The following PUS1 variants were observed in gnomAD, a reference collection of about 807,000 sequenced individuals.
The protein encoded by PUS1 is pseudouridylate synthase 1 homolog.
A neutral mutation model predicts 38.5 loss-of-function variants in PUS1; 25 were observed. The ratio of observed to expected loss-of-function variants is 0.65; its 90% confidence interval spans 0.47 to 0.91. The LOEUF is 0.91. PUS1 is among the 40% of genes least tolerant of loss of function. PUS1 has a pLI of 0.00. For synonymous variants in PUS1, 282 were observed against 260.4 expected (o/e 1.08, Z -0.80); for missense variants, 597 against 612.3 (o/e 0.97, Z 0.26).
At chr12:131,939,609 T>C (rs1890981355) in intron 4 of PUS1, among the ~76,000 whole-genome samples, 1 of 152,242 alleles carries the variant, frequency 6.6e-6, no homozygotes, top group African/African-American at 2.4e-5. Context: ...CTGTCTACCT[T>C]TTAAGTGGCA....
intron 3 of PUS1, 32 bp downstream of exon 3, chr12:131,932,344 C>A (rs762730617): frequency 6.2e-7 from 1 of 1,611,646 alleles, no homozygotes; most frequent in Admixed American, 1.7e-5. Context: ...CCCTCCCCCG[C>A]TGCTATGAGC....
rs1891061699 is a variant in PUS1 at position 131,941,453 on chromosome 12, C to T, written c.706C>T (p.Leu236=). 2 of 1,613,354 alleles carry T rather than the reference C, an allele frequency of 1.2e-6. No homozygotes were observed. Among genetic ancestry groups the T allele is most frequent in the Middle Eastern group, 1.7e-4 (1 of 6,060 alleles). The change falls in exon 5 of 6, where the codon CTG becomes TTG. Residue 236 remains leucine, a synonymous_variant. Coordinates refer to ENST00000376649, the MANE Select transcript of PUS1 (RefSeq NM_025215.6). The surrounding 1 kb of genome is among the most constrained non-coding windows in gnomAD (Gnocchi z 4.4). ...AETLQQVNRL[L]ACYKGTHNFH... ...GACGCTGCAGCAGGTCAACAGGCTC[C>T]TGGCCTGCTACAAGGGCACGCACAA...
chr12:131,941,570 G>A lies in PUS1; in HGVS notation c.823G>A (p.Glu275Lys). Residue 275 changes from glutamate to lysine, a missense_variant, in exon 5 of 6, where the codon GAG (glutamate) becomes AAG (lysine). Transcript: ENST00000376649. This position sits in a 1 kb window ranked among gnomAD's most constrained non-coding sequence, Gnocchi z 4.4. ...EMYCEEPFVR[E>K]GLEFAVIRVK... ...GTACTGCGAGGAACCCTTTGTGCGG[G>A]AGGGCCTGGAGTTTGCGGTGATCAG... The A allele has an allele frequency of 1.2e-6, 2 of 1,614,236 alleles. No individual in the cohort carries two copies. Among genetic ancestry groups the A allele is most frequent in the African/African-American group, 2.7e-5 (2 of 75,058 alleles).
At chr12:131,942,685 C>T (rs1168284172) in intron 5 of PUS1, among the ~76,000 whole-genome samples, 5 of 152,238 alleles carry the variant, frequency 3.3e-5, no homozygotes, top group Admixed American at 6.5e-5. Flanking sequence ...GGATTACAGT[C>T]GTGAGCCACT....
At chr12:131,942,449 C>G (rs905545859) in intron 5 of PUS1, among the ~76,000 whole-genome samples, 1 of 152,120 alleles carries the variant, frequency 6.6e-6, no homozygotes, top group Non-Finnish European at 1.5e-5. Flanking sequence ...TTCTGTCACC[C>G]AGGCTGGAGT....
At chr12:131,940,046 T>G (rs929257314) in intron 4 of PUS1, among the ~76,000 whole-genome samples, 1 of 151,098 alleles carries the variant, frequency 6.6e-6, no homozygotes, top group Non-Finnish European at 1.5e-5. Flanking sequence ...TGGAGAGAAG[T>G]GTTTGAGACA....
At chr12:131,932,037 G>T (rs1222829483) in intron 2 of PUS1, 138 bp from the exon 3 acceptor site, 2 of 767,972 alleles carry the variant, frequency 2.6e-6, no homozygotes, top group Non-Finnish European at 4.6e-6. Context: ...TCACATGAGC[G>T]TGGCAGCTCA....
At chr12:131,931,820 T>G (rs1436192767) in intron 2 of PUS1, 1 of 418,660 alleles carries the variant, frequency 2.4e-6, no homozygotes, top group East Asian at 4.6e-5. Context: ...TGTGAGCCAC[T>G]GCACCTGGCC....
intron 5 of PUS1, 106 bp from the exon 6 acceptor site, chr12:131,943,433 G>T (rs1371303602): frequency 2.2e-5 from 20 of 894,456 alleles, no homozygotes; most frequent in Non-Finnish European, 3.8e-5. Context: ...TGAGGGAGTG[G>T]TGGGGGCAAG....
chr12:131,941,605 C>T lies in PUS1; in HGVS notation c.858C>T (p.Gly286=), dbSNP rs1390023549. Residue 286 remains glycine (G), a synonymous_variant, in exon 5 of 6, where the codon GGC becomes GGT. Transcript: ENST00000376649. The surrounding 1 kb of genome is among the most constrained non-coding windows in gnomAD (Gnocchi z 4.4). The stretch of plus-strand genomic sequence containing the variant: ...AGTTTGCGGTGATCAGGGTGAAGGG[C>T]CAGAGCTTCATGATGCATCAGATCC... ...GLEFAVIRVK[G]QSFMMHQIRK... 3.1e-6 allele frequency: 5 copies of T among 1,614,084 alleles called. No homozygotes were observed. Among genetic ancestry groups the T allele is most frequent in the Non-Finnish European group, 4.2e-6 (5 of 1,180,050 alleles).
chr12:131,939,120 C>A (rs1890957738), intron 3 of PUS1, 53 bp from the exon 4 acceptor site: 1 of 1,107,062 alleles, frequency 9.0e-7, no homozygotes, highest in Non-Finnish European at 1.3e-6. Flanking sequence ...CAGAGACCAG[C>A]GTGCGAGGCC....
rs1248764878 is a variant in PUS1, at chr12:131,929,690, C to A, written c.-33C>A. ...GCACTGGGGGTCAGGGGTCGGGGAT[C>A]AGGGCGGGGTCGGGTGCACTGGTAG... On this transcript the variant is annotated 5_prime_UTR_variant, in exon 1 of 6. Transcript: ENST00000376649. 5 of 1,537,122 alleles carry A rather than the reference C, an allele frequency of 3.3e-6. No individual in the cohort carries two copies. Among genetic ancestry groups the A allele is most frequent in the Non-Finnish European group, 4.4e-6 (5 of 1,146,962 alleles).
intron 3 of PUS1, among the ~76,000 whole-genome samples, chr12:131,933,876 G>A (rs12425240): frequency 0.083 from 12,605 of 152,236 alleles, 1,064 homozygotes; most frequent in African/African-American, 0.21. Flanking sequence ...CCAATGGGCC[G>A]AACCTGATAG....
In PUS1 at chr12:131,941,329, C is replaced by G. The variant is rs757441851; in HGVS notation, c.582C>G (p.Asn194Lys). ...KRVTGGFNSK[N>K]RCDARTYCYL... ...TCACGGGCGGGTTTAACTCCAAGAA[C>G]AGATGTGATGCCAGGACCTATTGCT... Residue 194 changes from asparagine to lysine, a missense_variant, in exon 5 of 6, where the codon AAC becomes AAG. Coordinates refer to ENST00000376649, the MANE Select transcript of PUS1 (RefSeq NM_025215.6). The surrounding 1 kb of genome is among the most constrained non-coding windows in gnomAD (Gnocchi z 4.4). 11 of 1,614,112 alleles carry G rather than the reference C, an allele frequency of 6.8e-6. No individual in the cohort carries two copies. The highest frequency in any genetic ancestry group is 8.5e-6 in the Non-Finnish European group (10 of 1,180,060).
At position 131,943,542 on chromosome 12, in the gene PUS1, C is replaced by T; in HGVS notation, c.1240C>T (p.Pro414Ser). 6.2e-7 allele frequency: 1 copy of T among 1,613,188 alleles called. No homozygotes were observed. Among genetic ancestry groups the T allele is most frequent in the Non-Finnish European group, 8.5e-7 (1 of 1,179,252 alleles). ...LTAGGTGAKV[P>S]SPLEGSEGDG... ...TCCATGTGGTCTTCTTCTGCAGGTGCCCAGTCCCCTGGAAGGCAGTGAAGG... is the reference window on the plus strand; with the variant it reads ...TCCATGTGGTCTTCTTCTGCAGGTGTCCAGTCCCCTGGAAGGCAGTGAAGG... Residue 414 changes from proline to serine, a missense_variant, in exon 6 of 6, where the codon CCC becomes TCC. Coordinates refer to ENST00000376649, the MANE Select transcript of PUS1 (RefSeq NM_025215.6).
intron 2 of PUS1, among the ~76,000 whole-genome samples, chr12:131,930,668 C>A (rs946858989): frequency 6.6e-6 from 1 of 152,058 alleles, no homozygotes; most frequent in Non-Finnish European, 1.5e-5. Context: ...GTGGTCCAGG[C>A]TGGAATGCAG....
intron 3 of PUS1, chr12:131,934,915 CT>C (rs1428141719): frequency 6.6e-6 from 1 of 152,234 alleles, no homozygotes; most frequent in African/African-American, 2.4e-5. Context: ...AGCTATGGCT[CT>C]TTTTCCCACA....
rs749866790 is a variant in PUS1, at chr12:131,929,674, G to A, written c.-49G>A. ...CAGAGGCGGAGCTGGGGCACTGGGG[G>A]TCAGGGGTCGGGGATCAGGGCGGGG... is the stretch of plus-strand genomic sequence containing the variant. On this transcript the variant is annotated 5_prime_UTR_variant, in exon 1 of 6. Transcript: ENST00000376649. 6.7e-6 allele frequency: 10 copies of A among 1,484,284 alleles called. No homozygotes were observed. The highest frequency in any genetic ancestry group is 9.0e-6 in the Non-Finnish European group (10 of 1,111,744). 91.9% of individuals were successfully genotyped at this position (1,484,284 alleles called of 1,614,324 possible). A position where few individuals can be genotyped will look rare whatever the true frequency, so the allele number is the denominator to read the frequency against.
chr12:131,943,109 T>TAAA (rs911968853), intron 5 of PUS1, among the ~76,000 whole-genome samples: 4 of 152,256 alleles, frequency 2.6e-5, no homozygotes, highest in African/African-American at 9.6e-5. Flanking sequence ...GGAAATCTCT[T>TAAA]TTTTAAGTGC....
Sources: allele counts gnomAD v4.1 joint callset (sites outside exome capture counted in the v4.1 genomes callset), GRCh38; gene constraint gnomAD v4.1.1; non-coding constraint Gnocchi (gnomAD v3.1); transcripts MANE v1.5; gene names NCBI Gene and HGNC (gene_info 2026-07-23, HGNC 2026-07-21).